The following WDR36 variants were observed in gnomAD, a reference collection of about 807,000 sequenced individuals.
WDR36 encodes WD repeat domain 36.
Under a neutral mutation model 112.7 loss-of-function variants are expected in WDR36, and 63 were observed. The ratio of observed to expected loss-of-function variants is 0.56; its 90% CI spans 0.46 to 0.69. The LOEUF (loss-of-function observed/expected upper bound fraction) is 0.69. Among genes scored for constraint, WDR36 ranks in the 30% least tolerant of loss-of-function variants. The pLI is 0.00. For synonymous variants in WDR36, 410 were observed against 362.2 expected, an observed-to-expected ratio of 1.13 and a Z score of -1.50; for missense variants, 1,226 against 1,070.3, an observed-to-expected ratio of 1.15 and a Z score of -2.03.
intron 11 of WDR36, among the ~76,000 whole-genome samples, chr5:111,106,675 A>G (rs1753227055): frequency 1.3e-5 from 2 of 151,450 alleles, no homozygotes; most frequent in Non-Finnish European, 3.0e-5. Context: ...TCAGAGCTTG[A>G]GTCATGTTTC....
intron 1 of WDR36, 152 bp downstream of exon 1, chr5:111,092,770 G>A (rs1359139143): frequency 1.1e-5 from 12 of 1,114,286 alleles, no homozygotes; most frequent in Middle Eastern, 2.2e-4. Context: ...ATCCGGTCAC[G>A]TCCACGTGCT....
At chr5:111,123,758 G>A (rs1203448345) in intron 19 of WDR36, 47 bp from the exon 20 acceptor site, 1 of 1,605,944 alleles carries the variant, frequency 6.2e-7, no homozygotes, top group Admixed American at 1.7e-5. Flanking sequence ...ATGAGAAACT[G>A]TTGGCAAGAT....
At chr5:111,098,933 C>A in intron 4 of WDR36, 94 bp downstream of exon 4, 2 of 923,336 alleles carry the variant, frequency 2.2e-6, no homozygotes, top group Non-Finnish European at 3.5e-6. Context: ...AGAGATTTTG[C>A]CTGTAAATAG....
chr5:111,092,683 G>A (rs2112560203), intron 1 of WDR36, 65 bp downstream of exon 1: 1 of 1,530,826 alleles, frequency 6.5e-7, no homozygotes, highest in Non-Finnish European at 8.8e-7. Flanking sequence ...CTCTGTCCTG[G>A]AGCAGTCCGG....
At chr5:111,105,837 C>G (rs1207208644) in intron 10 of WDR36, among the ~76,000 whole-genome samples, 1 of 151,454 alleles carries the variant, frequency 6.6e-6, no homozygotes, top group African/African-American at 2.4e-5. Flanking sequence ...TTATACTGTT[C>G]ATGCATGTAT....
chr5:111,124,574 C>T (rs992260820), intron 21 of WDR36, among the ~76,000 whole-genome samples: 3 of 152,106 alleles, frequency 2.0e-5, no homozygotes, highest in East Asian at 1.9e-4. Context: ...TGTAATTCAG[C>T]GGACTGCTTA....
Position 111,105,307 on chromosome 5 carries a change from C to T in WDR36, c.1040C>T (p.Thr347Ile). The change falls in exon 10 of 23, where the codon ACT (threonine) becomes ATT (isoleucine). Residue 347 changes from threonine (T) to isoleucine (I), a missense_variant. Transcript: ENST00000513710. ...TGTATATCAACAGGTCAAGATGGAA[C>T]TCTTCAGTCATTTTCCACGGTACAT... ...QQILSASQDG[T>I]LQSFSTVHEK... The T allele has an allele frequency of 6.2e-6, 10 of 1,609,892 alleles. No individual in the cohort carries two copies. Among genetic ancestry groups the T allele is most frequent in the Non-Finnish European group, 8.5e-6 (10 of 1,177,128 alleles).
chr5:111,092,686 C>A (rs1561699168), intron 1 of WDR36, 68 bp downstream of exon 1: 2 of 1,508,156 alleles, frequency 1.3e-6, no homozygotes, highest in African/African-American at 1.4e-5. Flanking sequence ...TGTCCTGGAG[C>A]AGTCCGGTTC....
intron 6 of WDR36, among the ~76,000 whole-genome samples, chr5:111,102,805 G>A (rs1382707478): frequency 3.3e-5 from 5 of 151,580 alleles, no homozygotes; most frequent in Non-Finnish European, 5.9e-5. Flanking sequence ...AAATCCTAAT[G>A]TTTGATTCGA....
In WDR36 at chr5:111,113,052, A is replaced by AT. The variant is rs201180028; in HGVS notation, c.1717-10dup. On this transcript the variant is annotated intron_variant, in intron 15 of 22. Coordinates refer to ENST00000513710, the MANE Select transcript of WDR36 (RefSeq NM_139281.3). ...ATATAAATAATATATATATATATAT[A>AT]TTTTTTTTTTTTAATTTAAAGGCTT... 28,082 of 470,578 alleles carry AT rather than the reference A, an allele frequency of 0.06. 566 individuals carry two copies. Among genetic ancestry groups the AT allele is most frequent in the South Asian group, 0.18 (3,423 of 19,454 alleles). The allele number at this position is 470,578 out of a possible 1,614,324, so 29.2% of individuals were successfully genotyped here.
chr5:111,120,069 C>T (rs1009579635), intron 17 of WDR36, among the ~76,000 whole-genome samples: 1 of 151,420 alleles, frequency 6.6e-6, no homozygotes, highest in East Asian at 2.0e-4. Flanking sequence ...AATATGGCTA[C>T]TTAGAGGGCC....
rs1753689218 is a variant in WDR36, at chr5:111,126,953, A to C, written c.*70A>C. 1 of 1,409,900 alleles carries C rather than the reference A, an allele frequency of 7.1e-7. No individual in the cohort carries two copies. Among genetic ancestry groups the C allele is most frequent in the African/African-American group, 1.5e-5 (1 of 68,896 alleles). 87.3% of individuals were successfully genotyped at this position (1,409,900 alleles called of 1,614,324 possible). A position where few individuals can be genotyped will look rare whatever the true frequency, so the allele number is the denominator to read the frequency against. On this transcript the variant is annotated 3_prime_UTR_variant, in exon 23 of 23. Coordinates refer to ENST00000513710, the MANE Select transcript of WDR36 (RefSeq NM_139281.3). ...CAATTGAACTCATTTCTTATTTTCC[A>C]AGTGTCAATGTGAAAAGAAAATAAA...
Position 111,100,612 on chromosome 5 carries a change from G to C in WDR36, c.433G>C (p.Asp145His). 1 of 1,588,568 alleles carries C rather than the reference G, an allele frequency of 6.3e-7. No homozygotes were observed. Residue 145 changes from aspartate (D) to histidine (H), a missense_variant, in exon 5 of 23, where the codon GAT (aspartate) becomes CAT (histidine). Physicochemically the swap from Asp to His is moderately conservative, Grantham distance 81 (BLOSUM62 -1). Coordinates refer to ENST00000513710, the MANE Select transcript of WDR36 (RefSeq NM_139281.3). ...AGAAGAATACCTGCAGTTGACTTTT[G>C]ATAAATCAGTATTTAAAATTTCTGC... ...SEEEYLQLTF[D>H]KSVFKISAIL...
chr5:111,100,535 A>T, intron 4 of WDR36, 54 bp from the exon 5 acceptor site: 1 of 1,246,886 alleles, frequency 8.0e-7, no homozygotes, highest in South Asian at 1.5e-5. Flanking sequence ...ATATGGTTAC[A>T]TAAAACATTT....
chr5:111,104,353 G>A lies in WDR36; in HGVS notation c.906+1G>A. ...AAATGGCGCTGACAATGCTCTTAGG[G>A]TATTATGATTATTGTTAACATCTTC... On this transcript the variant is annotated splice_donor_variant, in intron 8 of 22. Coordinates refer to ENST00000513710, the MANE Select transcript of WDR36 (RefSeq NM_139281.3). LOFTEE classifies it high-confidence loss of function. The A allele has an allele frequency of 6.2e-7, 1 of 1,611,604 alleles. No homozygotes were observed. Among genetic ancestry groups the A allele is most frequent in the Non-Finnish European group, 8.5e-7 (1 of 1,178,238 alleles).
chr5:111,112,488 A>T (rs1462017234), intron 15 of WDR36, among the ~76,000 whole-genome samples: 3 of 152,026 alleles, frequency 2.0e-5, no homozygotes, highest in Non-Finnish European at 2.9e-5. Context: ...CTACAACTGT[A>T]AACTTTAAAG....
At chr5:111,120,371 A>G (rs1198277989) in intron 17 of WDR36, 125 bp from the exon 18 acceptor site, 7 of 761,252 alleles carry the variant, frequency 9.2e-6, no homozygotes, top group Admixed American at 6.9e-5. Context: ...TAAATTGATA[A>G]CAATCTATCT....
rs1162953217 is a variant in WDR36, at chr5:111,098,728, C to T, written c.298C>T (p.His100Tyr). ...TTAAACTTCGATGTTTTAGATAGTA[C>T]ATACCTTTAAGGGTCATAAGGCAGA... ...SAFARNKEIV[H>Y]TFKGHKAEIH... Residue 100 changes from histidine to tyrosine, a missense_variant, in exon 4 of 23, where the codon CAT becomes TAT. Coordinates refer to ENST00000513710, the MANE Select transcript of WDR36 (RefSeq NM_139281.3). The T allele has an allele frequency of 6.3e-7, 1 of 1,592,854 alleles. No individual in the cohort carries two copies. The highest frequency in any genetic ancestry group is 2.2e-5 in the East Asian group (1 of 44,716).
chr5:111,125,473 T>C, intron 21 of WDR36, 135 bp from the exon 22 acceptor site: 1 of 861,784 alleles, frequency 1.2e-6, no homozygotes, highest in Non-Finnish European at 1.8e-6. Flanking sequence ...TACTACATAA[T>C]ATGAAAAAAT....
Sources: gnomAD v4.1 joint callset for allele counts (sites outside exome capture counted in the v4.1 genomes callset) on GRCh38, gnomAD v4.1.1 for gene constraint, MANE v1.5 for transcripts, NCBI Gene and HGNC (gene_info 2026-07-23, HGNC 2026-07-21) for gene names.